Variants in THADA observed in about 807,000 individuals in gnomAD.
THADA encodes the protein THADA armadillo repeat containing.
A neutral mutation model predicts 219.8 loss-of-function variants in THADA; 213 were observed. The observed-to-expected ratio is 0.97, with a 90% CI of 0.87 to 1.09. The LOEUF is 1.09. Among genes scored for constraint, THADA ranks in the 50% least tolerant of loss-of-function variants. The pLI is 0.00. For synonymous variants in THADA, 1,018 were observed against 828.9 expected, an observed-to-expected ratio of 1.23 and a Z score of -3.92; for missense variants, 2,956 against 2,311.3, an observed-to-expected ratio of 1.28 and a Z score of -5.72.
At chr2:43,568,089 C>T (rs1219287973) in intron 14 of THADA, among the ~76,000 whole-genome samples, 1 of 152,152 alleles carries the variant, frequency 6.6e-6, no homozygotes, top group African/African-American at 2.4e-5. Context: ...GGAGTTCTGA[C>T]TCTACCACTT....
rs1488320788 is a variant in THADA at position 43,343,910 on chromosome 2, T to G, written c.4343+212A>C. ...TGGGCAGACAAAAAGCCATATTACA[T>G]GCCCCTCAGTCACTTAGCAGTTTTA... is the stretch of plus-strand genomic sequence containing the variant. On this transcript the variant is annotated intron_variant, in intron 30 of 37. Transcript: ENST00000405975. 3 of 449,840 alleles carry G rather than the reference T, an allele frequency of 6.7e-6. No individual in the cohort carries two copies. In the Admixed American group the frequency reaches 1.0e-4, roughly 16 times the overall value. 27.9% of individuals were successfully genotyped at this position (449,840 alleles called of 1,614,324 possible). A position where few individuals can be genotyped will look rare whatever the true frequency, so the allele number is the denominator to read the frequency against.
At chr2:43,544,770 T>C (rs1472963857) in intron 20 of THADA, among the ~76,000 whole-genome samples, 3 of 151,742 alleles carry the variant, frequency 2.0e-5, no homozygotes, top group Non-Finnish European at 4.4e-5. Context: ...TTAAGGAGAT[T>C]TTGGGCTGAG....
At chr2:43,365,528 G>A (rs372880231) in intron 29 of THADA, among the ~76,000 whole-genome samples, 1 of 150,932 alleles carries the variant, frequency 6.6e-6, no homozygotes, top group African/African-American at 2.4e-5. Context: ...CTGAGATCAC[G>A]CCACCGCACT....
At chr2:43,376,349 T>G (rs1239450823) in intron 29 of THADA, among the ~76,000 whole-genome samples, 1 of 152,246 alleles carries the variant, frequency 6.6e-6, no homozygotes, top group East Asian at 1.9e-4. Context: ...AAAAATGGTC[T>G]CCATTTGGCT....
At chr2:43,273,187 T>G (rs1672324692) in intron 36 of THADA, among the ~76,000 whole-genome samples, 1 of 150,614 alleles carries the variant, frequency 6.6e-6, no homozygotes, top group Non-Finnish European at 1.5e-5. Flanking sequence ...AGGCGGAGGT[T>G]GCAGTGAGCC....
chr2:43,264,306 A>T, intron 36 of THADA, among the ~76,000 whole-genome samples: 1 of 139,906 alleles, frequency 7.1e-6, no homozygotes, highest in Non-Finnish European at 1.5e-5. Context: ...TTTTTTTGAG[A>T]CGGTGTTTTG....
At chr2:43,342,302 C>T (rs562047464) in intron 30 of THADA, among the ~76,000 whole-genome samples, 42 of 152,300 alleles carry the variant, frequency 2.8e-4, no homozygotes, top group African/African-American at 1.0e-3. Context: ...ATTTCTCCAT[C>T]AATATCCCTA....
chr2:43,265,694 C>T lies in THADA; in HGVS notation c.5296+14071G>A, dbSNP rs564576306. On this transcript the variant is annotated intron_variant, in intron 36 of 37. Transcript: ENST00000405975. ...CTGTACAACCCCACTTCTTCAAACACGCCCAGGCTGTAACTCAAAACTTGA... is the reference window on the plus strand; with the variant it reads ...CTGTACAACCCCACTTCTTCAAACATGCCCAGGCTGTAACTCAAAACTTGA... 1.1e-4 allele frequency among the ~76,000 whole-genome samples: 17 copies of T among 152,314 alleles called. No homozygotes were observed. The East Asian group carries it at 2.7e-3, about 24-fold the overall frequency.
chr2:43,267,421 A>C (rs1012278230), intron 36 of THADA, among the ~76,000 whole-genome samples: 1 of 152,244 alleles, frequency 6.6e-6, no homozygotes, highest in African/African-American at 2.4e-5. Context: ...GGTAAAAATA[A>C]GAAGATGGCA....
chr2:43,554,981 C>G (rs1697170475), intron 17 of THADA, among the ~76,000 whole-genome samples: 1 of 152,114 alleles, frequency 6.6e-6, no homozygotes, highest in Non-Finnish European at 1.5e-5. Context: ...CTTTGAGTGT[C>G]ATGTTGGTAC....
intron 28 of THADA, among the ~76,000 whole-genome samples, chr2:43,405,953 A>G (rs1211130055): frequency 6.6e-6 from 1 of 152,234 alleles, no homozygotes; most frequent in Non-Finnish European, 1.5e-5. Flanking sequence ...GACAAGCCCA[A>G]CCACAGAGTC....
intron 28 of THADA, among the ~76,000 whole-genome samples, chr2:43,414,206 G>C (rs1387911683): frequency 6.6e-6 from 1 of 152,188 alleles, no homozygotes; most frequent in Non-Finnish European, 1.5e-5. Context: ...GGAGCTGTCA[G>C]GAAGTAATAT....
intron 26 of THADA, among the ~76,000 whole-genome samples, chr2:43,451,763 A>G (rs1682368094): frequency 6.6e-6 from 1 of 152,230 alleles, no homozygotes; most frequent in Admixed American, 6.5e-5. Flanking sequence ...TGTGTACTAA[A>G]CATGCCAACA....
chr2:43,569,030 G>A (rs1031111961), intron 14 of THADA, among the ~76,000 whole-genome samples: 1 of 152,096 alleles, frequency 6.6e-6, no homozygotes, highest in Non-Finnish European at 1.5e-5. Context: ...GGAGTGCAGT[G>A]CTACAATTAA....
In THADA at chr2:43,256,271, G is replaced by A. The variant is rs114376200; in HGVS notation, c.5297-23389C>T. 4.3e-3 allele frequency among the ~76,000 whole-genome samples: 655 copies of A among 152,254 alleles called. 6 individuals are homozygous for A. Among genetic ancestry groups the A allele is most frequent in the African/African-American group, 0.014 (595 of 41,550 alleles). On this transcript the variant is annotated intron_variant, in intron 36 of 37. Transcript: ENST00000405975. ...TGCCTGTAATCCCAGCACTTTGGGA[G>A]GCCAAGGTGGGAGTTATCACTTGAG...
chr2:43,356,945 T>C (rs952698748), intron 29 of THADA, among the ~76,000 whole-genome samples: 6 of 152,168 alleles, frequency 3.9e-5, no homozygotes, highest in Non-Finnish European at 5.9e-5. Context: ...TACCAAATGC[T>C]CAACTTTGCA....
chr2:43,572,914 A>G lies in THADA; in HGVS notation c.1808T>C (p.Ile603Thr). 2 of 1,614,012 alleles carry G rather than the reference A, an allele frequency of 1.2e-6. No individual in the cohort carries two copies. Among genetic ancestry groups the G allele is most frequent in the Non-Finnish European group, 8.5e-7 (1 of 1,179,874 alleles). ...CTGAAGATGTCCATGAGCTCTAGCT[A>G]TTCGCAGACATGCCATCAAAGCTCC... ...ALGALMACLRIARAHGHLQSA... is the reference protein window; with the variant it reads ...ALGALMACLRTARAHGHLQSA... Residue 603 changes from isoleucine to threonine, a missense_variant, in exon 12 of 38, where the codon ATA (isoleucine) becomes ACA (threonine). Physicochemically the swap from Ile to Thr is moderately conservative, Grantham distance 89. Transcript: ENST00000405975.
intron 31 of THADA, among the ~76,000 whole-genome samples, chr2:43,308,588 G>T (rs940889661): frequency 2.0e-5 from 3 of 151,934 alleles, no homozygotes; most frequent in African/African-American, 7.3e-5. Context: ...TGTAGTCCCA[G>T]TTACTCGGGA....
At chr2:43,395,402 A>G (rs1054092651) in intron 29 of THADA, among the ~76,000 whole-genome samples, 7 of 152,204 alleles carry the variant, frequency 4.6e-5, no homozygotes, top group African/African-American at 1.7e-4. Flanking sequence ...CATCTTTAAG[A>G]CCAAGACAAT....
Sources: allele counts gnomAD v4.1 joint callset (sites outside exome capture counted in the v4.1 genomes callset), GRCh38; gene constraint gnomAD v4.1.1; transcripts MANE v1.5; gene names NCBI Gene and HGNC (gene_info 2026-07-23, HGNC 2026-07-21).